TEAD1: variants seen among roughly 807,000 people sequenced by gnomAD.
TEAD1 encodes transcriptional enhancer factor TEF-1.
In TEAD1, 9 loss-of-function variants were observed where a neutral mutation model predicts 54.9. That is an observed-to-expected ratio of 0.16 (90% CI 0.10 to 0.29). The LOEUF (loss-of-function observed/expected upper bound fraction) is 0.29, where lower values mean the gene tolerates loss of function less well. Ranked by LOEUF, TEAD1 falls within the 10% of genes least tolerant of loss-of-function variation. The pLI is 1.00. For missense variants in TEAD1, 387 were observed against 535.9 expected, an observed-to-expected ratio of 0.72 and a Z score of 2.74; for synonymous variants, 200 against 187.8, an observed-to-expected ratio of 1.07 and a Z score of -0.53.
At chr11:12,785,018 A>G (rs1240388591) in intron 3 of TEAD1, among the ~76,000 whole-genome samples, 2 of 152,226 alleles carry the variant, frequency 1.3e-5, no homozygotes, top group Non-Finnish European at 1.5e-5. Context: ...GATGGTAGGC[A>G]TGACCTGCCA....
intron 3 of TEAD1, among the ~76,000 whole-genome samples, chr11:12,828,547 T>C (rs1313074925): frequency 6.6e-6 from 1 of 152,180 alleles, no homozygotes; most frequent in South Asian, 2.1e-4. Flanking sequence ...TCTTGTTTGC[T>C]GAACCTTGGT....
intron 2 of TEAD1, among the ~76,000 whole-genome samples, chr11:12,690,118 G>T (rs1021379058): frequency 6.6e-6 from 1 of 151,818 alleles, no homozygotes; most frequent in Non-Finnish European, 1.5e-5. Context: ...GCGGCCGCCT[G>T]TAGTGCCAGC....
At chr11:12,918,415 A>G (rs555268588) in intron 10 of TEAD1, among the ~76,000 whole-genome samples, 230 of 152,028 alleles carry the variant, frequency 1.5e-3, no homozygotes, top group Non-Finnish European at 2.8e-3. Context: ...AGCATCTGTG[A>G]TATGGTTGGA....
intron 9 of TEAD1, among the ~76,000 whole-genome samples, chr11:12,889,880 C>T (rs1398019735): frequency 6.6e-6 from 1 of 152,078 alleles, no homozygotes; most frequent in East Asian, 1.9e-4. Flanking sequence ...CACCACCACA[C>T]CCAGCTGATT....
intron 3 of TEAD1, among the ~76,000 whole-genome samples, chr11:12,822,887 G>A (rs1341089914): frequency 6.6e-6 from 1 of 152,162 alleles, no homozygotes; most frequent in Non-Finnish European, 1.5e-5. Context: ...AATCTTTGGA[G>A]CATGTCCTGA....
At chr11:12,818,597 G>A (rs1280412490) in intron 3 of TEAD1, among the ~76,000 whole-genome samples, 2 of 152,150 alleles carry the variant, frequency 1.3e-5, no homozygotes, top group Non-Finnish European at 2.9e-5. Context: ...GCTTTTCTGT[G>A]TGTCTTCCTT....
chr11:12,845,381 C>CGT (rs762845724), intron 3 of TEAD1, among the ~76,000 whole-genome samples: 35 of 152,238 alleles, frequency 2.3e-4, no homozygotes, highest in Non-Finnish European at 4.8e-4. Flanking sequence ...AAAGCACTAT[C>CGT]GTGTGTGTGT....
rs1463827297 is a variant in TEAD1 at position 12,938,703 on chromosome 11, C to CT, written c.*1482dup. 6.6e-6 allele frequency: 1 copy of CT among 152,286 alleles called. No individual in the cohort carries two copies. The highest frequency in any genetic ancestry group is 1.9e-4 in the East Asian group (1 of 5,204). The allele number at this position is 152,286 out of a possible 1,614,324, so 9.4% of individuals were successfully genotyped here. On this transcript the variant is annotated 3_prime_UTR_variant, in exon 13 of 13. Transcript: ENST00000527636. ...GCCAGGAGAGATTCAACTTTCCAAT[C>CT]TAAGTATTCCAGAGCATTGCCCAGG...
chr11:12,840,247 A>AAAAAAAAAG (rs1947001314), intron 3 of TEAD1, among the ~76,000 whole-genome samples: 1 of 23,664 alleles, frequency 4.2e-5, no homozygotes, highest in Non-Finnish European at 8.9e-5. Context: ...ACTCTGCCTC[A>AAAAAAAAAG]AAAAAAAAAA....
At chr11:12,750,302 CT>C (rs148242203) in intron 2 of TEAD1, among the ~76,000 whole-genome samples, 3,215 of 152,194 alleles carry the variant, frequency 0.021, 119 homozygotes, top group African/African-American at 0.074. Flanking sequence ...TGAAGACAGT[CT>C]GATGAGCATT....
At chr11:12,908,445 C>T (rs554708703) in intron 10 of TEAD1, among the ~76,000 whole-genome samples, 2 of 152,360 alleles carry the variant, frequency 1.3e-5, no homozygotes, top group African/African-American at 2.4e-5. Context: ...AGTATCTTTC[C>T]ATGTGGCCCT....
chr11:12,834,628 G>A (rs1018670723), intron 3 of TEAD1, among the ~76,000 whole-genome samples: 2 of 152,240 alleles, frequency 1.3e-5, no homozygotes, highest in East Asian at 1.9e-4. Flanking sequence ...TTGTTTGTTT[G>A]TGTGTTGTTT....
intron 3 of TEAD1, among the ~76,000 whole-genome samples, chr11:12,772,123 G>GA (rs1222009175): frequency 6.6e-6 from 1 of 152,186 alleles, no homozygotes; most frequent in Non-Finnish European, 1.5e-5. Flanking sequence ...ATTTGAAGCA[G>GA]TCTTTATGAG....
intron 3 of TEAD1, among the ~76,000 whole-genome samples, chr11:12,781,007 T>C (rs1945530977): frequency 6.6e-6 from 1 of 152,220 alleles, no homozygotes; most frequent in African/African-American, 2.4e-5. Flanking sequence ...ATTAGACATA[T>C]CATCAATGGA....
chr11:12,726,556 A>G (rs1944317644), intron 2 of TEAD1, among the ~76,000 whole-genome samples: 1 of 151,768 alleles, frequency 6.6e-6, no homozygotes. Flanking sequence ...TATGGGGGGA[A>G]AAAAAGTAAA....
At chr11:12,757,498 G>A (rs75055413) in intron 2 of TEAD1, among the ~76,000 whole-genome samples, 5,048 of 152,268 alleles carry the variant, frequency 0.033, 103 homozygotes, top group Non-Finnish European at 0.043. Context: ...AACACAGAAG[G>A]ACTATTAGTT....
At chr11:12,922,587 G>C (rs1948830514) in intron 10 of TEAD1, 1 of 152,082 alleles carries the variant, frequency 6.6e-6, no homozygotes, top group Non-Finnish European at 1.5e-5. Context: ...GATGACTCAG[G>C]TCTTAGTGGT....
At chr11:12,680,594 C>T (rs1943199715) in intron 2 of TEAD1, among the ~76,000 whole-genome samples, 1 of 152,222 alleles carries the variant, frequency 6.6e-6, no homozygotes, top group South Asian at 2.1e-4. Context: ...CTGAAGTTGA[C>T]ATCTGGTTTT....
intron 3 of TEAD1, among the ~76,000 whole-genome samples, chr11:12,804,743 A>C (rs918028454): frequency 5.9e-5 from 9 of 152,164 alleles, no homozygotes; most frequent in African/African-American, 1.9e-4. Context: ...TCTCTCCACT[A>C]TACTGTATGC....
Sources: gnomAD v4.1 joint callset for allele counts (sites outside exome capture counted in the v4.1 genomes callset) on GRCh38, gnomAD v4.1.1 for gene constraint, MANE v1.5 for transcripts, NCBI Gene and HGNC (gene_info 2026-07-23, HGNC 2026-07-21) for gene names.